MYO3B: variants seen among roughly 807,000 people sequenced by gnomAD.
The protein encoded by MYO3B is myosin IIIB, also known as myosin-IIIb.
In MYO3B, 156 loss-of-function variants were observed where a neutral mutation model predicts 174.6. The observed-to-expected ratio is 0.89, with a 90% CI of 0.78 to 1.02. The LOEUF is 1.02. Ranked by LOEUF, MYO3B falls within the 50% of genes least tolerant of loss-of-function variation. The probability of loss-of-function intolerance (pLI) is 0.00; values close to 1 mark genes in which losing one functional copy is unlikely to be tolerated. For missense variants in MYO3B, 1,632 were observed against 1,639.4 expected (o/e 1.00, Z 0.08); for synonymous variants, 563 against 569.1 (o/e 0.99, Z 0.15).
intron 8 of MYO3B, among the ~76,000 whole-genome samples, chr2:170,366,955 G>A (rs1469426578): frequency 1.3e-5 from 2 of 152,130 alleles, no homozygotes; most frequent in African/African-American, 2.4e-5. Context: ...ACTTACTGAA[G>A]TACCCAAAGG....
At chr2:170,348,914 T>C (rs557549803) in intron 8 of MYO3B, among the ~76,000 whole-genome samples, 2 of 152,334 alleles carry the variant, frequency 1.3e-5, no homozygotes, top group South Asian at 2.1e-4. Flanking sequence ...CAAGTGTTTC[T>C]GGGTGATGAT....
At chr2:170,312,843 T>G (rs2093749006) in intron 7 of MYO3B, among the ~76,000 whole-genome samples, 1 of 152,364 alleles carries the variant, frequency 6.6e-6, no homozygotes, top group East Asian at 1.9e-4. Flanking sequence ...GTTTGAATTC[T>G]GGTTACACTT....
chr2:170,542,067 G>A (rs1057383955), intron 30 of MYO3B, among the ~76,000 whole-genome samples: 11 of 151,434 alleles, frequency 7.3e-5, no homozygotes, highest in East Asian at 3.9e-4. Context: ...CTAGGACCCC[G>A]AATACTACAG....
At chr2:170,370,191 A>C (rs1362528461) in intron 9 of MYO3B, among the ~76,000 whole-genome samples, 1 of 152,222 alleles carries the variant, frequency 6.6e-6, no homozygotes, top group Admixed American at 6.5e-5. Flanking sequence ...GATGTAGATA[A>C]GCTCCAGTCC....
chr2:170,599,861 C>T (rs144791665), intron 32 of MYO3B, among the ~76,000 whole-genome samples: 2 of 152,216 alleles, frequency 1.3e-5, no homozygotes, highest in East Asian at 3.8e-4. Context: ...AATATTCACC[C>T]ATATTTGCTT....
chr2:170,356,935 G>A (rs951480626), intron 8 of MYO3B, among the ~76,000 whole-genome samples: 1 of 151,506 alleles, frequency 6.6e-6, no homozygotes, highest in Non-Finnish European at 1.5e-5. Context: ...GCACCACCAC[G>A]GCCCCCTGAT....
At chr2:170,391,664 T>G (rs1465231473) in intron 15 of MYO3B, 46 bp downstream of exon 15, 3 of 1,115,746 alleles carry the variant, frequency 2.7e-6, no homozygotes, top group Non-Finnish European at 3.9e-6. Context: ...GAATGTACGA[T>G]TAGCAGTTGA....
chr2:170,645,741 T>G (rs1376132937), intron 32 of MYO3B, among the ~76,000 whole-genome samples: 1 of 152,200 alleles, frequency 6.6e-6, no homozygotes, highest in Admixed American at 6.5e-5. Flanking sequence ...ATTTAAATTT[T>G]CAAGGGAAAA....
chr2:170,277,169 A>G (rs2093469434), intron 7 of MYO3B, among the ~76,000 whole-genome samples: 1 of 152,194 alleles, frequency 6.6e-6, no homozygotes, highest in South Asian at 2.1e-4. Context: ...AGTGCCAGAA[A>G]TGCAGGGCTT....
chr2:170,336,689 C>G (rs992345458), intron 8 of MYO3B, among the ~76,000 whole-genome samples: 2 of 152,130 alleles, frequency 1.3e-5, no homozygotes, highest in Non-Finnish European at 2.9e-5. Context: ...GCCCCATATC[C>G]TGCTGGGGCT....
chr2:170,460,133 G>A (rs1419034096), intron 23 of MYO3B, among the ~76,000 whole-genome samples: 2 of 152,182 alleles, frequency 1.3e-5, no homozygotes, highest in Non-Finnish European at 2.9e-5. Flanking sequence ...TGAGACAGAG[G>A]AGTCGCCGAG....
intron 23 of MYO3B, among the ~76,000 whole-genome samples, chr2:170,445,075 A>G (rs1310275237): frequency 2.6e-5 from 4 of 152,218 alleles, no homozygotes; most frequent in Non-Finnish European, 5.9e-5. Flanking sequence ...TTAGGCCACA[A>G]TATTTTTGTG....
At chr2:170,623,346 T>C (rs560087917) in intron 32 of MYO3B, among the ~76,000 whole-genome samples, 144 of 152,370 alleles carry the variant, frequency 9.5e-4, no homozygotes, top group African/African-American at 3.4e-3. Context: ...TTTTTTCATA[T>C]GTTTGTTGGC....
At chr2:170,565,505 T>G (rs1458119783) in intron 32 of MYO3B, among the ~76,000 whole-genome samples, 2 of 152,186 alleles carry the variant, frequency 1.3e-5, no homozygotes, top group Admixed American at 1.3e-4. Context: ...TTCAGATGGG[T>G]AGTCTCTAAG....
At chr2:170,339,521 TG>T (rs996867381) in intron 8 of MYO3B, among the ~76,000 whole-genome samples, 1 of 151,978 alleles carries the variant, frequency 6.6e-6, no homozygotes, top group African/African-American at 2.4e-5. Context: ...CAGGGCACAG[TG>T]GGGTGTGTGT....
At chr2:170,444,958 C>T (rs1027597583) in intron 23 of MYO3B, among the ~76,000 whole-genome samples, 11 of 152,136 alleles carry the variant, frequency 7.2e-5, no homozygotes, top group Non-Finnish European at 1.3e-4. Context: ...GTATTTAATA[C>T]AGTTGGTTCT....
intron 1 of MYO3B, among the ~76,000 whole-genome samples, chr2:170,182,516 A>G (rs2092413282): frequency 6.6e-6 from 1 of 151,690 alleles, no homozygotes; most frequent in Non-Finnish European, 1.5e-5. Context: ...TGTTTTAATT[A>G]CTCTAGCAGT....
At chr2:170,535,620 T>A (rs1325166743) in intron 30 of MYO3B, among the ~76,000 whole-genome samples, 1 of 152,240 alleles carries the variant, frequency 6.6e-6, no homozygotes, top group Non-Finnish European at 1.5e-5. Flanking sequence ...TATCTGGTTA[T>A]GACCTATGTT....
At chr2:170,613,239 G>T (rs918197635) in intron 32 of MYO3B, among the ~76,000 whole-genome samples, 2 of 152,098 alleles carry the variant, frequency 1.3e-5, no homozygotes, top group Admixed American at 1.3e-4. Flanking sequence ...TTCTGGTTTG[G>T]AGTGCTGAAC....
Sources: gnomAD v4.1 joint callset for allele counts (sites outside exome capture counted in the v4.1 genomes callset) on GRCh38, gnomAD v4.1.1 for gene constraint, MANE v1.5 for transcripts, NCBI Gene and HGNC (gene_info 2026-07-23, HGNC 2026-07-21) for gene names.